THOC5: variants seen among roughly 807,000 people sequenced by gnomAD.
The protein encoded by THOC5 is THO complex subunit 5.
THOC5 carries 43 observed loss-of-function variants against 92.9 expected under a neutral mutation model. The observed-to-expected ratio is 0.46, with a 90% confidence interval of 0.36 to 0.60. The LOEUF (loss-of-function observed/expected upper bound fraction) is 0.60. Ranked by LOEUF, THOC5 falls within the 20% of genes least tolerant of loss-of-function variation. The pLI is 0.00. For missense variants in THOC5, 659 were observed against 849.4 expected, an observed-to-expected ratio of 0.78 and a Z score of 2.79; for synonymous variants, 296 against 320.1, an observed-to-expected ratio of 0.92 and a Z score of 0.80.
chr22:29,514,936 C>G (rs1487826483), intron 17 of THOC5, among the ~76,000 whole-genome samples: 1 of 152,026 alleles, frequency 6.6e-6, no homozygotes, highest in African/African-American at 2.4e-5. Context: ...AACTCCTGAC[C>G]TCAAGTGATC....
rs144155917 is a variant in THOC5, at chr22:29,528,228, C to T, written c.967-51G>A. On this transcript the variant is annotated intron_variant, in intron 10 of 19. Transcript: ENST00000490103. ...ATGAGCATCAGTCATAGCAATCTCC[C>T]CTTCCCTCTCCCAACCAGCCAGGCC... The T allele has an allele frequency of 1.9e-4, 305 of 1,614,064 alleles. 2 individuals are homozygous for T. In the African/African-American group the frequency reaches 2.9e-3, roughly 15 times the overall value.
intron 6 of THOC5, among the ~76,000 whole-genome samples, chr22:29,537,718 C>A (rs939008539): frequency 8.6e-5 from 13 of 151,996 alleles, no homozygotes; most frequent in African/African-American, 3.1e-4. Context: ...GGTGAAACCC[C>A]GCTTCTACTA....
At chr22:29,540,287 T>A (rs1240226244) in intron 5 of THOC5, among the ~76,000 whole-genome samples, 4 of 152,190 alleles carry the variant, frequency 2.6e-5, no homozygotes, top group African/African-American at 7.2e-5. Context: ...AATCCAACCC[T>A]CTTTGCTGTA....
intron 9 of THOC5, among the ~76,000 whole-genome samples, chr22:29,528,733 G>C (rs540664844): frequency 6.6e-6 from 1 of 152,268 alleles, no homozygotes; most frequent in African/African-American, 2.4e-5. Context: ...CCTTGTGATG[G>C]TGGTGGTGGC....
At chr22:29,540,213 G>A (rs1026552212) in intron 5 of THOC5, among the ~76,000 whole-genome samples, 4 of 152,076 alleles carry the variant, frequency 2.6e-5, no homozygotes, top group East Asian at 1.9e-4. Flanking sequence ...CAGAGGTTGC[G>A]GTGAGCCAGG....
At chr22:29,529,756 G>C (rs923381090) in intron 8 of THOC5, among the ~76,000 whole-genome samples, 15 of 152,216 alleles carry the variant, frequency 9.9e-5, no homozygotes, top group African/African-American at 3.4e-4. Context: ...TTCCAGACCT[G>C]AGTCCCTGCC....
intron 7 of THOC5, among the ~76,000 whole-genome samples, chr22:29,532,293 C>A (rs77545262): frequency 0.057 from 8,548 of 151,012 alleles, 240 homozygotes; most frequent in African/African-American, 0.077. Flanking sequence ...GATGCCATTT[C>A]CACAAAAAAT....
chr22:29,530,194 T>G (rs923320387), intron 8 of THOC5, among the ~76,000 whole-genome samples: 1 of 151,496 alleles, frequency 6.6e-6, no homozygotes, highest in African/African-American at 2.4e-5. Flanking sequence ...TGGTGGGGAC[T>G]GAATGAGCTG....
At chr22:29,540,466 C>T (rs931855008) in intron 5 of THOC5, among the ~76,000 whole-genome samples, 1 of 152,140 alleles carries the variant, frequency 6.6e-6, no homozygotes, top group East Asian at 1.9e-4. Flanking sequence ...ATGGAGGCTT[C>T]TATCAGTAAG....
At chr22:29,544,738 G>T in intron 2 of THOC5, 135 bp from the exon 3 acceptor site, 2 of 886,454 alleles carry the variant, frequency 2.3e-6, no homozygotes, top group South Asian at 4.7e-5. Context: ...TAAAAGATCT[G>T]GTCCTTAAAT....
rs191433455 is a variant in THOC5, at chr22:29,546,103, G to A, written c.97-1500C>T. On this transcript the variant is annotated intron_variant, in intron 2 of 19. Coordinates refer to ENST00000490103, the MANE Select transcript of THOC5 (RefSeq NM_003678.5). ...CACTTGGAAGCTGCCAAAGCTTGGG[G>A]CTTCCACCCTCTGAGCCACAGGCCA... is the stretch of plus-strand genomic sequence containing the variant. 4.0e-3 allele frequency among the ~76,000 whole-genome samples: 611 copies of A among 152,344 alleles called. 2 individuals are homozygous for A. Among genetic ancestry groups the A allele is most frequent in the African/African-American group, 0.014 (580 of 41,588 alleles).
chr22:29,518,044 T>G (rs1427496869), intron 15 of THOC5, among the ~76,000 whole-genome samples: 2 of 152,152 alleles, frequency 1.3e-5, no homozygotes, highest in Non-Finnish European at 1.5e-5. Flanking sequence ...TTTTTTACTT[T>G]TTATTTTGAG....
In THOC5 at chr22:29,507,295, G is replaced by A. The variant is rs544432807; in HGVS notation, c.*1162C>T. The A allele has an allele frequency of 6.6e-6, 1 of 152,184 alleles. No individual in the cohort carries two copies. The highest frequency in any genetic ancestry group is 1.9e-4 in the East Asian group (1 of 5,172). 9.4% of individuals were successfully genotyped at this position (152,184 alleles called of 1,614,324 possible). On this transcript the variant is annotated 3_prime_UTR_variant, in exon 20 of 20. Transcript: ENST00000490103. ...CCTTAGACTATTCAACCCTGAGACA[G>A]TATGTGAAGACCTTTATGGTGATCC... is the stretch of plus-strand genomic sequence containing the variant.
rs532887411 is a variant in THOC5, at chr22:29,552,821, T to G, written c.-12+850A>C. On this transcript the variant is annotated intron_variant, in intron 1 of 19. Transcript: ENST00000490103. ...AGAGGGGGGAAATGTGGGGAAAAGA[T>G]AGAGAAATCGGATTGTTGCTGTGTC... Among the ~76,000 whole-genome samples, 145 of 152,260 alleles carry G rather than the reference T, an allele frequency of 9.5e-4. 1 individual carries two copies. Among genetic ancestry groups the G allele is most frequent in the African/African-American group, 3.3e-3 (138 of 41,556 alleles).
At chr22:29,538,802 A>G (rs1034949105) in intron 6 of THOC5, among the ~76,000 whole-genome samples, 4 of 90,874 alleles carry the variant, frequency 4.4e-5, no homozygotes, top group South Asian at 3.7e-4. Flanking sequence ...ATCTCTTTGG[A>G]AAAAAAAAAA....
chr22:29,535,479 AC>A (rs1456499531), intron 7 of THOC5: 4 of 152,142 alleles, frequency 2.6e-5, no homozygotes, highest in African/African-American at 7.2e-5. Context: ...CCCTACAGAT[AC>A]TTTGTAAACC....
chr22:29,531,952 C>T lies in THOC5; in HGVS notation c.726G>A (p.Pro242=), dbSNP rs769754830. ...RLNSIMQASL[P]VQEYLFMPFD... ...ATGGCATAAACAGGTACTCCTGCACCGGAAGGGAAGCCTGCACACAAGAGA... is the reference window on the plus strand; with the variant it reads ...ATGGCATAAACAGGTACTCCTGCACTGGAAGGGAAGCCTGCACACAAGAGA... The change falls in exon 8 of 20, where the codon CCG becomes CCA. Residue 242 remains proline (P), a synonymous_variant. Coordinates refer to ENST00000490103, the MANE Select transcript of THOC5 (RefSeq NM_003678.5). 40 of 1,613,936 alleles carry T rather than the reference C, an allele frequency of 2.5e-5. No homozygotes were observed. The highest frequency in any genetic ancestry group is 2.7e-5 in the African/African-American group (2 of 74,894).
chr22:29,531,156 G>C, intron 8 of THOC5: 1 of 1,136,274 alleles, frequency 8.8e-7, no homozygotes, highest in South Asian at 2.0e-5. Flanking sequence ...GGGAGGACCA[G>C]AAGGACGAGG....
At position 29,517,336 on chromosome 22, in the gene THOC5, C is replaced by CAAT; in HGVS notation, c.1517_1519dup (p.Asp506_Cys507insTyr). 1 of 1,614,188 alleles carries CAAT rather than the reference C, an allele frequency of 6.2e-7. No homozygotes were observed. The highest frequency in any genetic ancestry group is 1.1e-5 in the South Asian group (1 of 91,072). On this transcript the variant is annotated inframe_insertion, in exon 16 of 20. Coordinates refer to ENST00000490103, the MANE Select transcript of THOC5 (RefSeq NM_003678.5). Reference sequence around the variant, plus strand: ...AACCTTGGCAGGGAAGAGGTACTGGCAATCACTGGTAACTGGCACAATGCC... The same window carrying CAAT: ...AACCTTGGCAGGGAAGAGGTACTGGCAATAATCACTGGTAACTGGCACAATGCC...
Sources: gnomAD v4.1 joint callset for allele counts (sites outside exome capture counted in the v4.1 genomes callset) on GRCh38, gnomAD v4.1.1 for gene constraint, MANE v1.5 for transcripts, NCBI Gene and HGNC (gene_info 2026-07-23, HGNC 2026-07-21) for gene names.